The following PUM2 variants were observed in gnomAD, a reference collection of about 807,000 sequenced individuals.
PUM2 encodes pumilio RNA binding family member 2, also known as pumilio homolog 2.
In PUM2, 57 loss-of-function variants were observed where a neutral mutation model predicts 124.5. That is an observed-to-expected ratio of 0.46 (90% confidence interval 0.37 to 0.57). The LOEUF is 0.57. Among genes scored for constraint, PUM2 ranks in the 20% least tolerant of loss-of-function variants. PUM2 has a pLI of 0.00. For synonymous variants in PUM2, 460 were observed against 446.1 expected, an observed-to-expected ratio of 1.03 and a Z score of -0.39; for missense variants, 1,065 against 1,290.6, an observed-to-expected ratio of 0.83 and a Z score of 2.68.
chr2:20,311,977 A>T (rs1053107419), intron 4 of PUM2, among the ~76,000 whole-genome samples: 3 of 152,186 alleles, frequency 2.0e-5, no homozygotes, highest in Non-Finnish European at 4.4e-5. Flanking sequence ...ACCAGGAATA[A>T]GCAATTTTAA....
chr2:20,255,894 A>C, intron 17 of PUM2, 139 bp downstream of exon 17: 1 of 852,000 alleles, frequency 1.2e-6, no homozygotes, highest in South Asian at 2.8e-5. Flanking sequence ...GGAAGAAATT[A>C]ATGTACATTT....
At chr2:20,296,650 C>T (rs558714542) in intron 8 of PUM2, among the ~76,000 whole-genome samples, 3 of 150,806 alleles carry the variant, frequency 2.0e-5, no homozygotes, top group African/African-American at 7.3e-5. Context: ...AAAGTCAGCC[C>T]ATTAGCAGAC....
intron 7 of PUM2, among the ~76,000 whole-genome samples, chr2:20,306,607 T>TC (rs1377383984): frequency 2.7e-5 from 4 of 147,688 alleles, no homozygotes; most frequent in Admixed American, 6.9e-5. Flanking sequence ...ATGTGGACTT[T>TC]TTTTTTTTTT....
intron 7 of PUM2, among the ~76,000 whole-genome samples, chr2:20,303,519 G>A (rs1399159953): frequency 6.6e-6 from 1 of 151,200 alleles, no homozygotes; most frequent in Non-Finnish European, 1.5e-5. Flanking sequence ...ATTAATTTAG[G>A]GAGAACTGAC....
chr2:20,318,042 G>A (rs1176871370), intron 3 of PUM2, among the ~76,000 whole-genome samples: 1 of 152,074 alleles, frequency 6.6e-6, no homozygotes, highest in Non-Finnish European at 1.5e-5. Flanking sequence ...ATTCCTTGGG[G>A]TATATACCCA....
At chr2:20,262,642 AAG>A (rs1666577974) in intron 14 of PUM2, among the ~76,000 whole-genome samples, 1 of 152,238 alleles carries the variant, frequency 6.6e-6, no homozygotes, top group Admixed American at 6.5e-5. Flanking sequence ...TAAAGCTATA[AAG>A]AGAGAAAATA....
chr2:20,327,417 G>A (rs1683940332), intron 1 of PUM2, 39 bp from the exon 2 acceptor site: 1 of 1,257,126 alleles, frequency 8.0e-7, no homozygotes, highest in Non-Finnish European at 1.1e-6. Context: ...ACAAAGAAAT[G>A]TTTAAACAGA....
intron 1 of PUM2, among the ~76,000 whole-genome samples, chr2:20,344,936 T>C (rs1191456661): frequency 7.6e-6 from 1 of 130,950 alleles, no homozygotes; most frequent in Non-Finnish European, 1.5e-5. Flanking sequence ...TGAGTTGTGA[T>C]AGTGCCACTG....
At chr2:20,303,018 G>T (rs184825638) in intron 7 of PUM2, among the ~76,000 whole-genome samples, 2 of 152,070 alleles carry the variant, frequency 1.3e-5, no homozygotes, top group Non-Finnish European at 2.9e-5. Context: ...GGACTTCCCA[G>T]GCCTCCCCTT....
intron 13 of PUM2, among the ~76,000 whole-genome samples, chr2:20,278,242 C>A (rs1670693140): frequency 6.6e-6 from 1 of 152,080 alleles, no homozygotes; most frequent in South Asian, 2.1e-4. Context: ...GTGTGCAAAT[C>A]TTTTGATAGT....
chr2:20,351,032 C>CT (rs1021487618), upstream of PUM2, among the ~76,000 whole-genome samples: 6 of 152,180 alleles, frequency 3.9e-5, no homozygotes, highest in African/African-American at 1.4e-4. Context: ...CCGGCGTGCC[C>CT]TCCCCCGCCC....
intron 1 of PUM2, among the ~76,000 whole-genome samples, chr2:20,335,491 TTTC>T (rs1369968157): frequency 6.6e-6 from 1 of 152,194 alleles, no homozygotes; most frequent in African/African-American, 2.4e-5. Context: ...CTCTTGGTAA[TTTC>T]TTATTTTTCT....
intron 1 of PUM2, among the ~76,000 whole-genome samples, chr2:20,344,535 A>ACCTATCTCT (rs903960591): frequency 7.9e-5 from 12 of 152,138 alleles, no homozygotes; most frequent in Admixed American, 5.9e-4. Flanking sequence ...GTGGGCTTCT[A>ACCTATCTCT]CCTATCTCTC....
intron 7 of PUM2, among the ~76,000 whole-genome samples, chr2:20,306,941 C>T (rs1168653378): frequency 4.7e-5 from 7 of 147,452 alleles, no homozygotes; most frequent in Admixed American, 2.0e-4. Context: ...AGGCCAGACG[C>T]GGTGGCTCAC....
At chr2:20,274,645 A>T (rs948248730) in intron 13 of PUM2, among the ~76,000 whole-genome samples, 1 of 151,950 alleles carries the variant, frequency 6.6e-6, no homozygotes, top group African/African-American at 2.4e-5. Context: ...CCCACATTAC[A>T]CTTTAGCACC....
intron 1 of PUM2, among the ~76,000 whole-genome samples, chr2:20,336,549 C>T (rs970441783): frequency 1.3e-4 from 20 of 151,688 alleles, no homozygotes; most frequent in Non-Finnish European, 2.6e-4. Context: ...CAGGGTCTTG[C>T]TCTGTTGCCC....
chr2:20,251,495 G>T lies in PUM2; in HGVS notation c.*90C>A. ...AGTTTTGCTTTAAAAAAAAATTGAAGATTCATAGTTGAGTTGTGTTTTGAT... is the reference window on the plus strand; with the variant it reads ...AGTTTTGCTTTAAAAAAAAATTGAATATTCATAGTTGAGTTGTGTTTTGAT... On this transcript the variant is annotated 3_prime_UTR_variant, in exon 21 of 21. Coordinates refer to ENST00000361078, the MANE Select transcript of PUM2 (RefSeq NM_015317.5). 6.5e-6 allele frequency: 9 copies of T among 1,380,102 alleles called. No individual in the cohort carries two copies. The highest frequency in any genetic ancestry group is 1.9e-4 in the Middle Eastern group (1 of 5,256). The allele number at this position is 1,380,102 out of a possible 1,614,324, so 85.5% of individuals were successfully genotyped here.
At chr2:20,263,553 A>C in intron 13 of PUM2, 93 bp from the exon 14 acceptor site, 1 of 1,392,720 alleles carries the variant, frequency 7.2e-7, no homozygotes, top group Non-Finnish European at 9.7e-7. Context: ...CAATAAAGAA[A>C]TATTTCCCCC....
At chr2:20,272,695 T>C (rs945384026) in intron 13 of PUM2, among the ~76,000 whole-genome samples, 25 of 152,220 alleles carry the variant, frequency 1.6e-4, no homozygotes, top group Non-Finnish European at 1.2e-4. Context: ...CAATTTCTTT[T>C]TAAAACCTAA....
Sources: allele counts gnomAD v4.1 joint callset (sites outside exome capture counted in the v4.1 genomes callset), GRCh38; gene constraint gnomAD v4.1.1; transcripts MANE v1.5; gene names NCBI Gene and HGNC (gene_info 2026-07-23, HGNC 2026-07-21).